DLG5: variants seen among roughly 807,000 people sequenced by gnomAD.
DLG5 encodes discs large MAGUK scaffold protein 5, also known as disks large homolog 5.
DLG5 carries 48 observed loss-of-function variants against 189.8 expected under a neutral mutation model. The ratio of observed to expected loss-of-function variants is 0.25; its 90% confidence interval spans 0.20 to 0.32. The LOEUF is 0.32. Among genes scored for constraint, DLG5 ranks in the 10% least tolerant of loss-of-function variants. The pLI is 1.00. For missense variants in DLG5, 2,160 were observed against 2,544.7 expected, an observed-to-expected ratio of 0.85 and a Z score of 3.25; for synonymous variants, 1,016 against 1,054.1, an observed-to-expected ratio of 0.96 and a Z score of 0.70.
At chr10:77,817,229 G>A in intron 18 of DLG5, 133 bp from the exon 19 acceptor site, 1 of 792,302 alleles carries the variant, frequency 1.3e-6, no homozygotes, top group Non-Finnish European at 2.2e-6. Context: ...AGGGAGCCTT[G>A]ATATGGAACA....
chr10:77,930,228 C>G (rs148939127), upstream of DLG5, among the ~76,000 whole-genome samples: 1 of 152,138 alleles, frequency 6.6e-6, no homozygotes, highest in Admixed American at 6.6e-5. Flanking sequence ...ATGTTTCCTT[C>G]GGAAACAATC....
In DLG5 at chr10:77,792,125, G is replaced by T; in HGVS notation, c.*315C>A. On this transcript the variant is annotated 3_prime_UTR_variant, in exon 32 of 32. Coordinates refer to ENST00000372391, the MANE Select transcript of DLG5 (RefSeq NM_004747.4). ...AAATACTTAGAAAAGGCTTGTAAAC[G>T]AGTGATCCGAAAGGTTCTCTTTGCA... 2.8e-6 allele frequency: 1 copy of T among 363,462 alleles called. No homozygotes were observed. Among genetic ancestry groups the T allele is most frequent in the African/African-American group, 2.1e-5 (1 of 48,578 alleles). 22.5% of individuals were successfully genotyped at this position (363,462 alleles called of 1,614,324 possible).
At chr10:77,887,433 AAC>A (rs10541198) in intron 1 of DLG5, among the ~76,000 whole-genome samples, 10,228 of 152,236 alleles carry the variant, frequency 0.067, 513 homozygotes, top group Admixed American at 0.13. Flanking sequence ...ACTTCAGGGG[AAC>A]ACTGACTTGC....
intron 1 of DLG5, among the ~76,000 whole-genome samples, chr10:77,875,810 G>T (rs1185331239): frequency 6.6e-6 from 1 of 151,608 alleles, no homozygotes; most frequent in Non-Finnish European, 1.5e-5. Context: ...AAGAAAGGTG[G>T]CAGGGAAAAA....
chr10:77,865,262 G>A (rs1844628119), intron 2 of DLG5, among the ~76,000 whole-genome samples: 1 of 152,068 alleles, frequency 6.6e-6, no homozygotes, highest in African/African-American at 2.4e-5. Flanking sequence ...TCCCATCTCT[G>A]ATAAATTGGC....
chr10:77,926,923 G>A, upstream of DLG5: 1 of 353,930 alleles, frequency 2.8e-6, no homozygotes, highest in South Asian at 1.9e-5. The surrounding 1 kb of genome is among the most constrained non-coding windows in gnomAD (Gnocchi z 5.2). Flanking sequence ...GCCGGGCCGC[G>A]CGCCGCCCCC....
At chr10:77,816,279 TA>T in intron 20 of DLG5, 1 of 679,508 alleles carries the variant, frequency 1.5e-6, no homozygotes, top group Admixed American at 2.0e-5. Flanking sequence ...CAGGAAGGTG[TA>T]AATGGTGCCA....
chr10:77,904,897 G>A (rs1372050182), intron 1 of DLG5, among the ~76,000 whole-genome samples: 2 of 151,884 alleles, frequency 1.3e-5, no homozygotes, highest in Non-Finnish European at 2.9e-5. Context: ...GAGAGGCTGA[G>A]GCGGGTGGAT....
intron 1 of DLG5, among the ~76,000 whole-genome samples, chr10:77,913,866 GGT>G (rs1846291324): frequency 1.3e-5 from 2 of 152,086 alleles, no homozygotes; most frequent in South Asian, 4.1e-4. Context: ...TGGGATTACA[GGT>G]ATAAGCCACC....
intron 23 of DLG5, among the ~76,000 whole-genome samples, chr10:77,810,619 T>A (rs921014861): frequency 3.3e-5 from 5 of 152,198 alleles, no homozygotes; most frequent in African/African-American, 9.6e-5. Context: ...CCTGAACATT[T>A]TAATCCAGCT....
intron 7 of DLG5, among the ~76,000 whole-genome samples, chr10:77,840,178 G>C (rs1843349201): frequency 6.6e-6 from 1 of 152,008 alleles, no homozygotes; most frequent in African/African-American, 2.4e-5. Context: ...AGGAGTTTAA[G>C]ACCAGCCTGG....
chr10:77,894,429 C>G (rs896533399), intron 1 of DLG5, among the ~76,000 whole-genome samples: 1 of 152,088 alleles, frequency 6.6e-6, no homozygotes, highest in Non-Finnish European at 1.5e-5. Context: ...CTATTTTTCC[C>G]CAGCACAATG....
intron 1 of DLG5, among the ~76,000 whole-genome samples, chr10:77,893,811 A>T (rs1399417763): frequency 2.6e-5 from 4 of 152,220 alleles, no homozygotes; most frequent in Admixed American, 2.0e-4. Context: ...AACTGGATCA[A>T]TGGGGGATGG....
intron 2 of DLG5, among the ~76,000 whole-genome samples, chr10:77,859,558 C>T (rs900729994): frequency 1.3e-5 from 2 of 152,162 alleles, no homozygotes; most frequent in African/African-American, 4.8e-5. Flanking sequence ...AACTGGCTAC[C>T]GTAGCCAGTA....
At chr10:77,917,413 G>C (rs574882623) in intron 1 of DLG5, among the ~76,000 whole-genome samples, 1 of 152,054 alleles carries the variant, frequency 6.6e-6, no homozygotes, top group Admixed American at 6.6e-5. Flanking sequence ...CTACTCGGGA[G>C]GCTGAGGTGG....
intron 1 of DLG5, among the ~76,000 whole-genome samples, chr10:77,896,763 G>A (rs544371241): frequency 6.6e-6 from 1 of 151,832 alleles, no homozygotes; most frequent in East Asian, 1.9e-4. Context: ...AGGTTGCAGT[G>A]AGCTGAGATC....
chr10:77,890,402 C>T (rs186527568), intron 1 of DLG5, among the ~76,000 whole-genome samples: 12 of 152,312 alleles, frequency 7.9e-5, no homozygotes, highest in Admixed American at 2.6e-4. Flanking sequence ...ATCCACCCCA[C>T]GATTCACCTT....
intron 1 of DLG5, chr10:77,869,727 T>C (rs1332354604): frequency 1.3e-5 from 2 of 153,740 alleles, no homozygotes; most frequent in Middle Eastern, 3.3e-3. Flanking sequence ...GATGAGCAAT[T>C]GTACCATCAC....
chr10:77,924,888 C>A (rs1420000130), intron 1 of DLG5, among the ~76,000 whole-genome samples: 1 of 152,272 alleles, frequency 6.6e-6, no homozygotes, highest in Non-Finnish European at 1.5e-5. Context: ...AGATGGCCAA[C>A]GTAAGAGAGC....
Sources: gnomAD v4.1 joint callset for allele counts (sites outside exome capture counted in the v4.1 genomes callset) on GRCh38, gnomAD v4.1.1 for gene constraint, Gnocchi (gnomAD v3.1) non-coding constraint, MANE v1.5 for transcripts, NCBI Gene and HGNC (gene_info 2026-07-23, HGNC 2026-07-21) for gene names.